The following CDC42 variants were observed in gnomAD, a reference collection of about 807,000 sequenced individuals.
CDC42 encodes the protein cell division cycle 42, also known as cell division control protein 42 homolog.
A neutral mutation model predicts 20.8 loss-of-function variants in CDC42; 1 was observed. That is an observed-to-expected ratio of 0.05 (90% CI 0.02 to 0.23). The LOEUF (loss-of-function observed/expected upper bound fraction) is 0.23, where lower values mean the gene tolerates loss of function less well. Among genes scored for constraint, CDC42 ranks in the 10% least tolerant of loss-of-function variants. The pLI, the probability that CDC42 is intolerant of heterozygous loss-of-function variation, is 1.00. For synonymous variants in CDC42, 72 were observed against 84.8 expected, an observed-to-expected ratio of 0.85 and a Z score of 0.83; for missense variants, 49 against 227.9, an observed-to-expected ratio of 0.21 and a Z score of 5.05.
rs1283127237 is a variant in CDC42, at chr1:22,092,949, C to T, written c.*1432C>T. 1 of 152,588 alleles carries T rather than the reference C, an allele frequency of 6.6e-6. No homozygotes were observed. Among genetic ancestry groups the T allele is most frequent in the Non-Finnish European group, 1.5e-5 (1 of 68,050 alleles). 9.5% of individuals were successfully genotyped at this position (152,588 alleles called of 1,614,324 possible). On this transcript the variant is annotated 3_prime_UTR_variant, in exon 6 of 6. Coordinates refer to ENST00000656825, the MANE Select transcript of CDC42 (RefSeq NM_001791.4). Reference sequence around the variant, plus strand: ...AAACAAACAAAAACCCTTCACAAGCCAGCCTGAGGGTTGTTATTTTCCCTC... The same window carrying T: ...AAACAAACAAAAACCCTTCACAAGCTAGCCTGAGGGTTGTTATTTTCCCTC...
At chr1:22,085,244 A>AAAAAAAAT (rs373016657) in intron 3 of CDC42, among the ~76,000 whole-genome samples, 1 of 135,956 alleles carries the variant, frequency 7.4e-6, no homozygotes, top group African/African-American at 2.8e-5. Context: ...AAAAAAAAAA[A>AAAAAAAAT]AAAAGAAAAA....
chr1:22,073,511 C>T (rs1418622923), intron 1 of CDC42, among the ~76,000 whole-genome samples: 2 of 151,352 alleles, frequency 1.3e-5, no homozygotes, highest in Non-Finnish European at 1.5e-5. Context: ...TGCACTCCAG[C>T]CTGGGTGACA....
intron 4 of CDC42, 23 bp downstream of exon 4, chr1:22,086,571 C>G (rs1645663889): frequency 1.3e-6 from 2 of 1,584,790 alleles, no homozygotes; most frequent in African/African-American, 2.7e-5. Context: ...GATACTCTTG[C>G]CCTAAGAAGA....
intron 5 of CDC42, among the ~76,000 whole-genome samples, chr1:22,088,259 C>T (rs1645680667): frequency 6.6e-6 from 1 of 152,176 alleles, no homozygotes; most frequent in African/African-American, 2.4e-5. Flanking sequence ...ATTCTGTGTG[C>T]TTCTGATGCA....
At chr1:22,058,903 C>G (rs1195976222) in intron 1 of CDC42, among the ~76,000 whole-genome samples, 1 of 152,144 alleles carries the variant, frequency 6.6e-6, no homozygotes, top group East Asian at 1.9e-4. Flanking sequence ...TAACCTTGAA[C>G]TCCTGGGCTT....
In CDC42 at chr1:22,095,299, T is replaced by A. The variant is rs181888699; in HGVS notation, c.*3782T>A. Among the ~76,000 whole-genome samples the A allele has an allele frequency of 3.5e-4, 53 of 152,200 alleles. No individual in the cohort carries two copies. Among genetic ancestry groups the A allele is most frequent in the Non-Finnish European group, 4.4e-4 (30 of 67,990 alleles). On this transcript the variant is annotated 3_prime_UTR_variant, in exon 6 of 6. Coordinates refer to ENST00000656825, the MANE Select transcript of CDC42 (RefSeq NM_001791.4). ...ATACTTTTTTTTTTGAGATGGAGTC[T>A]CGTTCTGTCGCCCAGGCTGGAGTGC...
chr1:22,076,767 A>G (rs1645555406), intron 1 of CDC42, among the ~76,000 whole-genome samples: 1 of 152,122 alleles, frequency 6.6e-6, no homozygotes, highest in Non-Finnish European at 1.5e-5. Context: ...TTAATGCTGT[A>G]TTAGTTAGTA....
Position 22,076,175 on chromosome 1 carries a change from T to C in CDC42, c.-50-2254T>C, listed in dbSNP as rs16826444. Among the ~76,000 whole-genome samples the C allele has an allele frequency of 3.8e-4, 58 of 152,270 alleles. 1 individual carries two copies. The East Asian group carries it at 0.011, about 29-fold the overall frequency. ...GTAATGTTTATCAAGAGCAGGGACTTGAGGTTGGGCACGGTGGCTCACACC... is the reference window on the plus strand; with the variant it reads ...GTAATGTTTATCAAGAGCAGGGACTCGAGGTTGGGCACGGTGGCTCACACC... On this transcript the variant is annotated intron_variant, in intron 1 of 5. Coordinates refer to ENST00000656825, the MANE Select transcript of CDC42 (RefSeq NM_001791.4).
intron 3 of CDC42, among the ~76,000 whole-genome samples, chr1:22,082,642 A>C (rs766935000): frequency 7.9e-5 from 12 of 152,224 alleles, no homozygotes; most frequent in Non-Finnish European, 1.0e-4. Context: ...TTGCAAGTTA[A>C]CATGTTGCTT....
intron 1 of CDC42, among the ~76,000 whole-genome samples, chr1:22,069,575 G>T (rs1001707600): frequency 6.9e-6 from 1 of 145,648 alleles, no homozygotes; most frequent in African/African-American, 2.6e-5. Flanking sequence ...TCTCCCCTCA[G>T]CCTCCCCAGT....
intron 1 of CDC42, 99 bp from the exon 2 acceptor site, chr1:22,078,330 A>C: frequency 1.8e-6 from 1 of 550,988 alleles, no homozygotes; most frequent in East Asian, 3.0e-5. Flanking sequence ...TAATTGTGCT[A>C]GTTCTTTTCT....
intron 1 of CDC42, among the ~76,000 whole-genome samples, chr1:22,069,038 C>T (rs752524075): frequency 5.9e-5 from 9 of 151,960 alleles, no homozygotes; most frequent in South Asian, 2.1e-4. Flanking sequence ...GGTGTGCCTA[C>T]GTATAGGACA....
rs1237202632 is a variant in CDC42 at position 22,100,063 on chromosome 1, T to G, written c.*8546T>G. 1.4e-5 allele frequency among the ~76,000 whole-genome samples: 2 copies of G among 146,774 alleles called. No individual in the cohort carries two copies. Among genetic ancestry groups the G allele is most frequent in the East Asian group, 2.0e-4 (1 of 4,992 alleles). ...TTTTTTTGTATAATAGGCCTGTGAG[T>G]TGGGAAGAGCAGGGTTTGTTTGGTG... On this transcript the variant is annotated 3_prime_UTR_variant, in exon 6 of 6. Transcript: ENST00000656825.
intron 1 of CDC42, among the ~76,000 whole-genome samples, chr1:22,061,368 A>T (rs1227648131): frequency 2.0e-5 from 3 of 149,498 alleles, no homozygotes; most frequent in Non-Finnish European, 4.4e-5. Flanking sequence ...AGATTGCACC[A>T]CTGCACTTCA....
Position 22,094,238 on chromosome 1 carries a change from C to T in CDC42, c.*2721C>T, listed in dbSNP as rs529790255. On this transcript the variant is annotated 3_prime_UTR_variant, in exon 6 of 6. Coordinates refer to ENST00000656825, the MANE Select transcript of CDC42 (RefSeq NM_001791.4). ...GTGTCAGAATTTATAGTATTTAATA[C>T]GATGTTAATATATTATTGCTATTTA... is the stretch of plus-strand genomic sequence containing the variant. Among the ~76,000 whole-genome samples the T allele has an allele frequency of 4.8e-4, 70 of 145,492 alleles. No individual in the cohort carries two copies. The highest frequency in any genetic ancestry group is 1.7e-3 in the African/African-American group (65 of 39,182).
chr1:22,057,296 C>T (rs1366279451), intron 1 of CDC42, among the ~76,000 whole-genome samples: 1 of 152,178 alleles, frequency 6.6e-6, no homozygotes, highest in East Asian at 1.9e-4. Flanking sequence ...GGACCCTTCC[C>T]CGCCATCTTT....
At chr1:22,090,855 C>G (rs998780422) in intron 5 of CDC42, 5 of 963,882 alleles carry the variant, frequency 5.2e-6, no homozygotes, top group Non-Finnish European at 6.2e-6. Context: ...TCTAATTTTA[C>G]GTATGTATCA....
intron 1 of CDC42, among the ~76,000 whole-genome samples, chr1:22,063,579 G>T (rs2473322): frequency 0.94 from 142,368 of 152,252 alleles, 66,605 homozygotes; most frequent in East Asian, 1. Context: ...TCTGTTAGGT[G>T]CTTGGGATCT....
At chr1:22,057,156 G>A (rs1207585203) in intron 1 of CDC42, among the ~76,000 whole-genome samples, 1 of 152,160 alleles carries the variant, frequency 6.6e-6, no homozygotes, top group Non-Finnish European at 1.5e-5. Flanking sequence ...CTAAAATAGG[G>A]GTAGCAGTAG....
Sources: gnomAD v4.1 joint callset for allele counts (sites outside exome capture counted in the v4.1 genomes callset) on GRCh38, gnomAD v4.1.1 for gene constraint, MANE v1.5 for transcripts, NCBI Gene and HGNC (gene_info 2026-07-23, HGNC 2026-07-21) for gene names.